The following CHD4 variants were observed in gnomAD, a reference collection of about 807,000 sequenced individuals.
The protein encoded by CHD4 is chromodomain helicase DNA binding protein 4.
Under a neutral mutation model 235.5 loss-of-function variants are expected in CHD4, and 35 were observed. That is an observed-to-expected ratio of 0.15 (90% CI 0.11 to 0.20). CHD4 has a LOEUF of 0.20. Among genes scored for constraint, CHD4 ranks in the 10% least tolerant of loss-of-function variants. The pLI, the probability that CHD4 is intolerant of heterozygous loss-of-function variation, is 1.00. For missense variants in CHD4, 1,329 were observed against 2,432.3 expected, an observed-to-expected ratio of 0.55 and a Z score of 9.54; for synonymous variants, 900 against 850.2, an observed-to-expected ratio of 1.06 and a Z score of -1.02.
Position 6,606,759 on chromosome 12 carries a change from G to T in CHD4, c.-78-308C>A, listed in dbSNP as rs903379038. 22 of 164,594 alleles carry T rather than the reference G, an allele frequency of 1.3e-4. No individual in the cohort carries two copies. In the Middle Eastern group the frequency reaches 8.5e-3, roughly 63 times the overall value. The allele number at this position is 164,594 out of a possible 1,614,324, so 10.2% of individuals were successfully genotyped here. On this transcript the variant is annotated intron_variant, in intron 1 of 39. Coordinates refer to ENST00000544040, the MANE Select transcript of CHD4 (RefSeq NM_001273.5). Reference sequence around the variant, plus strand: ...GGTCCGAGTGGCAGCGGCGCGGGGGGGCCAGGGGAGGCCGCAGGCGGCGAG... The same window carrying T: ...GGTCCGAGTGGCAGCGGCGCGGGGGTGCCAGGGGAGGCCGCAGGCGGCGAG...
intron 25 of CHD4, among the ~76,000 whole-genome samples, chr12:6,585,430 C>T (rs1045515334): frequency 2.0e-5 from 3 of 151,588 alleles, no homozygotes; most frequent in Non-Finnish European, 2.9e-5. Flanking sequence ...ACTACAGGCG[C>T]CCGCCACCAC....
intron 38 of CHD4, 76 bp from the exon 39 acceptor site, chr12:6,571,108 C>T: frequency 6.5e-7 from 1 of 1,532,658 alleles, no homozygotes; most frequent in Non-Finnish European, 8.9e-7. Flanking sequence ...GACCAGCCCC[C>T]CATCACTTCT....
chr12:6,606,601 G>T, intron 1 of CHD4, 150 bp from the exon 2 acceptor site: 1 of 416,190 alleles, frequency 2.4e-6, no homozygotes, highest in Non-Finnish European at 4.3e-6. Flanking sequence ...ACACTCCTCG[G>T]GGGCAGCCCG....
intron 2 of CHD4, among the ~76,000 whole-genome samples, chr12:6,605,932 C>A (rs1948687446): frequency 6.6e-6 from 1 of 152,204 alleles, no homozygotes; most frequent in African/African-American, 2.4e-5. Context: ...CCCCCTCCAC[C>A]ACCACCACCA....
Position 6,592,523 on chromosome 12 carries a change from C to T in CHD4, c.2818G>A (p.Glu940Lys), listed in dbSNP as rs1948418922. 6.2e-7 allele frequency: 1 copy of T among 1,607,768 alleles called. No individual in the cohort carries two copies. Among genetic ancestry groups the T allele is most frequent in the African/African-American group, 1.3e-5 (1 of 74,788 alleles). ...TCATGCAGTTTTTTTATCTGGTCCT[C>T]CTTGGCAATGTCAGCAAACTCCTCC... ...FLEEFADIAK[E>K]DQIKKLHDML... Residue 940 changes from glutamate (E) to lysine (K), a missense_variant, in exon 19 of 40, where the codon GAG becomes AAG. Around this residue, in one of 26 missense-constraint regions of CHD4, gnomAD observed 23 missense variants for 130.0 expected, o/e 0.18. Coordinates refer to ENST00000544040, the MANE Select transcript of CHD4 (RefSeq NM_001273.5).
chr12:6,580,995 C>T, intron 33 of CHD4, 49 bp downstream of exon 33: 1 of 1,606,588 alleles, frequency 6.2e-7, no homozygotes, highest in Non-Finnish European at 8.5e-7. Flanking sequence ...GGCAGCACTA[C>T]ACTGTCTCAA....
chr12:6,602,440 T>G lies in CHD4; in HGVS notation c.158A>C (p.Lys53Thr), dbSNP rs374271955. 3.1e-6 allele frequency: 5 copies of G among 1,614,078 alleles called. No homozygotes were observed. Among genetic ancestry groups the G allele is most frequent in the Non-Finnish European group, 4.2e-6 (5 of 1,180,050 alleles). Residue 53 changes from lysine to threonine, a missense_variant, in exon 3 of 40, where the codon AAG becomes ACG. Coordinates refer to ENST00000544040, the MANE Select transcript of CHD4 (RefSeq NM_001273.5). ...CCGAGGTTTCTTAGGCTTTTTCTTC[T>G]TCTTGAGCTTTGGAGTCTCTGTTTC... Reference protein sequence around the residue: ...LSETETPKLKKKKKPKKPRDP... With the variant: ...LSETETPKLKTKKKPKKPRDP...
chr12:6,586,344 T>G (rs1948294145), intron 25 of CHD4, among the ~76,000 whole-genome samples: 2 of 152,028 alleles, frequency 1.3e-5, no homozygotes, highest in South Asian at 4.1e-4. Flanking sequence ...GAGCTTGCAG[T>G]GAGCCAAGAT....
chr12:6,570,603 A>T lies in CHD4; in HGVS notation c.*73T>A. On this transcript the variant is annotated 3_prime_UTR_variant, in exon 40 of 40. Transcript: ENST00000544040. Reference sequence around the variant, plus strand: ...GAAGGTGAGGGTCTCTCAGGCCCCCAGGGGAGAAGCTGGGACAAGAGAAAG... The same window carrying T: ...GAAGGTGAGGGTCTCTCAGGCCCCCTGGGGAGAAGCTGGGACAAGAGAAAG... The T allele has an allele frequency of 6.3e-7, 1 of 1,590,896 alleles. No individual in the cohort carries two copies. The highest frequency in any genetic ancestry group is 8.6e-7 in the Non-Finnish European group (1 of 1,159,614).
chr12:6,585,769 G>A (rs1948278771), intron 25 of CHD4, among the ~76,000 whole-genome samples: 1 of 144,458 alleles, frequency 6.9e-6, no homozygotes, highest in African/African-American at 2.6e-5. Flanking sequence ...AGCCTGGGCG[G>A]GAAAGCAAGA....
At chr12:6,572,865 T>A (rs1948000474) in intron 38 of CHD4, 5 of 448,306 alleles carry the variant, frequency 1.1e-5, no homozygotes, top group Middle Eastern at 1.2e-3. Flanking sequence ...CGGCCAGGAG[T>A]CCATCTCTTT....
rs766616340 is a variant in CHD4 at position 6,582,704 on chromosome 12, T to C, written c.4281A>G (p.Ala1427=). The C allele has an allele frequency of 3.7e-6, 6 of 1,614,032 alleles. No homozygotes were observed. Residue 1427 remains alanine (A), a synonymous_variant, in exon 29 of 40, where the codon GCA becomes GCG. Coordinates refer to ENST00000544040, the MANE Select transcript of CHD4 (RefSeq NM_001273.5). ...NARQRKAFLN[A]IMRYGMPPQD... ...GAGGTGGCATACCATATCGCATAAT[T>C]GCATTAAGAAAGGCTTTTCGCTGAC...
At position 6,602,378 on chromosome 12, in the gene CHD4, C is replaced by T. The variant is rs746573192; in HGVS notation, c.220G>A (p.Glu74Lys). The change falls in exon 3 of 40, where the codon GAG (glutamate) becomes AAG (lysine). Residue 74 changes from glutamate (E) to lysine (K), a missense_variant and splice_region_variant. Coordinates refer to ENST00000544040, the MANE Select transcript of CHD4 (RefSeq NM_001273.5). The part of the protein sequence containing the change: ...KIPKSKRQKK[E>K]RMLLCRQLGD... ...GTAACATTCAGTCACCCACTCACCT[C>T]CTTTTTTTGGCGCTTGCTCTTAGGG... 1.9e-6 allele frequency: 3 copies of T among 1,613,534 alleles called. No homozygotes were observed. The highest frequency in any genetic ancestry group is 2.5e-6 in the Non-Finnish European group (3 of 1,179,958).
intron 2 of CHD4, among the ~76,000 whole-genome samples, chr12:6,605,255 G>A (rs1948671671): frequency 6.6e-6 from 1 of 152,050 alleles, no homozygotes; most frequent in Non-Finnish European, 1.5e-5. Flanking sequence ...AAGAAAACTA[G>A]AAGCAGAAGG....
chr12:6,580,475 G>C (rs887817524), intron 33 of CHD4: 1 of 152,622 alleles, frequency 6.6e-6, no homozygotes, highest in Non-Finnish European at 1.5e-5. Flanking sequence ...GAGAGGCCAA[G>C]GCAGGTGGAT....
Position 6,593,242 on chromosome 12 carries a change from C to A in CHD4, c.2515-14G>T. On this transcript the variant is annotated splice_polypyrimidine_tract_variant and intron_variant, in intron 16 of 39. Transcript: ENST00000544040. This position sits in a 1 kb window ranked among gnomAD's most constrained non-coding sequence, Gnocchi z 4.9. ...AGATGCCTCTTTCTGCACATGAAGG[C>A]AACTTGGTCACTACTAGTCAGTTCC... is the stretch of plus-strand genomic sequence containing the variant. 1 of 1,613,892 alleles carries A rather than the reference C, an allele frequency of 6.2e-7. No homozygotes were observed. The highest frequency in any genetic ancestry group is 8.5e-7 in the Non-Finnish European group (1 of 1,180,018).
chr12:6,581,559 A>G (rs1341721462), intron 31 of CHD4, 90 bp downstream of exon 31: 2 of 1,582,996 alleles, frequency 1.3e-6, no homozygotes, highest in Admixed American at 3.3e-5. Context: ...GTCCTGCCAG[A>G]CTACCCTGTT....
intron 12 of CHD4, among the ~76,000 whole-genome samples, chr12:6,596,787 G>A (rs539904123): frequency 2.8e-5 from 4 of 144,682 alleles, no homozygotes; most frequent in South Asian, 4.5e-4. Flanking sequence ...GCGACAGAAC[G>A]AGACTCCATT....
At chr12:6,591,416 G>A (rs772799886) in intron 22 of CHD4, 50 bp downstream of exon 22, 4 of 1,432,056 alleles carry the variant, frequency 2.8e-6, no homozygotes, top group African/African-American at 2.8e-5. Flanking sequence ...ACAGTCCAAA[G>A]ATATAAGCAA....
Sources: allele counts gnomAD v4.1 joint callset (sites outside exome capture counted in the v4.1 genomes callset), GRCh38; gene constraint gnomAD v4.1.1; regional missense constraint gnomAD v4.1.1; non-coding constraint Gnocchi (gnomAD v3.1); transcripts MANE v1.5; gene names NCBI Gene and HGNC (gene_info 2026-07-23, HGNC 2026-07-21).